The following DIAPH2 variants were observed in gnomAD, a reference collection of about 807,000 sequenced individuals.
DIAPH2 encodes diaphanous related formin 2, also known as protein diaphanous homolog 2.
Under a neutral mutation model 92.7 loss-of-function variants are expected in DIAPH2, and 35 were observed. That is an observed-to-expected ratio of 0.38 (90% CI 0.29 to 0.50). The LOEUF (loss-of-function observed/expected upper bound fraction) is 0.50. Ranked by LOEUF, DIAPH2 falls within the 20% of genes least tolerant of loss-of-function variation. DIAPH2 has a pLI of 0.94. For synonymous variants in DIAPH2, 301 were observed against 280.4 expected (o/e 1.07, Z -0.73); for missense variants, 701 against 819.5 (o/e 0.86, Z 1.77).
chrX:97,253,293 A>AAAATAAAATAAAATAAAAT (rs1556010461), intron 23 of DIAPH2, among the ~76,000 whole-genome samples: 6 of 91,753 alleles, frequency 6.5e-5, no homozygotes, highest in South Asian at 1.1e-3. Flanking sequence ...CTCCGTAAAA[A>AAAATAAAATAAAATAAAAT]AAAATAAAAT....
intron 25 of DIAPH2, among the ~76,000 whole-genome samples, chrX:97,420,104 C>T (rs1405658720): frequency 9.0e-6 from 1 of 111,498 alleles, no homozygotes. Context: ...TTTCATCTCT[C>T]AATCTTCTAG....
chrX:97,280,882 A>T (rs1288448732), intron 23 of DIAPH2, among the ~76,000 whole-genome samples: 1 of 111,901 alleles, frequency 8.9e-6, no homozygotes, highest in African/African-American at 3.2e-5. Flanking sequence ...TAGAGATTTG[A>T]TGAATAAAAT....
chrX:97,151,029 A>G (rs1465699534), intron 22 of DIAPH2, among the ~76,000 whole-genome samples: 1 of 112,202 alleles, frequency 8.9e-6, no homozygotes, highest in Non-Finnish European at 1.9e-5. Context: ...CCATGTCTTC[A>G]AAAACATATT....
Position 96,699,096 on chromosome X carries a change from A to T in DIAPH2, c.132+13906A>T, listed in dbSNP as rs757526638. 2.7e-5 allele frequency among the ~76,000 whole-genome samples: 3 copies of T among 111,773 alleles called. No individual in the cohort carries two copies. The South Asian group carries it at 1.1e-3, about 42-fold the overall frequency. ...CTGTTCATACAACTGTGTACAACACAGCATGAAACTAGAAAGTGAAGGATA... is the reference window on the plus strand; with the variant it reads ...CTGTTCATACAACTGTGTACAACACTGCATGAAACTAGAAAGTGAAGGATA... On this transcript the variant is annotated intron_variant, in intron 1 of 26. Coordinates refer to ENST00000324765, the MANE Select transcript of DIAPH2 (RefSeq NM_006729.5).
In DIAPH2 at chrX:96,819,499, T is replaced by G. The variant is rs181121089; in HGVS notation, c.447+61241T>G. 2.7e-5 allele frequency among the ~76,000 whole-genome samples: 3 copies of G among 112,290 alleles called. No individual in the cohort carries two copies. In the East Asian group the frequency reaches 8.4e-4, roughly 31 times the overall value. ...TTTTTTCACAATTCATCATAAGTGG[T>G]CAACATTCTTGGCTGTCCATTTTTG... On this transcript the variant is annotated intron_variant, in intron 4 of 26. Coordinates refer to ENST00000324765, the MANE Select transcript of DIAPH2 (RefSeq NM_006729.5).
At chrX:97,492,614 T>G (rs1427839386) in intron 26 of DIAPH2, among the ~76,000 whole-genome samples, 1 of 111,364 alleles carries the variant, frequency 9.0e-6, no homozygotes, top group Non-Finnish European at 1.9e-5. Flanking sequence ...TGCCTTTTGT[T>G]TGGAAAAGTC....
intron 1 of DIAPH2, among the ~76,000 whole-genome samples, chrX:96,701,274 T>C (rs949695700): frequency 9.0e-6 from 1 of 111,481 alleles, no homozygotes; most frequent in African/African-American, 3.3e-5. Flanking sequence ...ATGCTGAGGG[T>C]ATAAACATAA....
intron 26 of DIAPH2, among the ~76,000 whole-genome samples, chrX:97,433,474 C>G (rs1474755494): frequency 8.9e-6 from 1 of 111,785 alleles, no homozygotes; most frequent in Non-Finnish European, 1.9e-5. Flanking sequence ...AGAGATCGTG[C>G]CACTGCACTC....
At chrX:97,053,090 G>A (rs768685587) in intron 17 of DIAPH2, among the ~76,000 whole-genome samples, 19 of 111,033 alleles carry the variant, frequency 1.7e-4, no homozygotes, top group African/African-American at 5.9e-4. Context: ...TTAAACTGAG[G>A]TGTGATCCTC....
At position 97,066,639 on chromosome X, in the gene DIAPH2, C is replaced by T. The variant is rs1392452344; in HGVS notation, c.2051-6302C>T. Among the ~76,000 whole-genome samples, 5 of 112,038 alleles carry T rather than the reference C, an allele frequency of 4.5e-5. No homozygotes were observed. The Admixed American group carries it at 4.7e-4, about 11-fold the overall frequency. On this transcript the variant is annotated intron_variant, in intron 17 of 26. Transcript: ENST00000324765. Reference sequence around the variant, plus strand: ...TCTAAGACAACTTTATTTGTCCTTCCTAAAATATGCATTACCTGCTGAGTT... The same window carrying T: ...TCTAAGACAACTTTATTTGTCCTTCTTAAAATATGCATTACCTGCTGAGTT...
intron 26 of DIAPH2, among the ~76,000 whole-genome samples, chrX:97,596,305 C>T (rs908746426): frequency 9.0e-6 from 1 of 111,595 alleles, no homozygotes; most frequent in African/African-American, 3.3e-5. Context: ...GCACAATGTC[C>T]CCAACAAGCA....
At chrX:96,757,691 A>T (rs756862524) in intron 3 of DIAPH2, among the ~76,000 whole-genome samples, 1 of 111,606 alleles carries the variant, frequency 9.0e-6, no homozygotes, top group South Asian at 3.8e-4. Context: ...CTTCTTGTGA[A>T]CTTTCTTCAG....
intron 19 of DIAPH2, chrX:97,082,088 G>A (rs1453451404): frequency 9.9e-6 from 1 of 100,608 alleles, no homozygotes; most frequent in African/African-American, 3.8e-5. Context: ...TCCAGCCTGG[G>A]TGACAGAGAC....
chrX:97,493,973 T>G (rs2070741376), intron 26 of DIAPH2, among the ~76,000 whole-genome samples: 1 of 108,043 alleles, frequency 9.3e-6, no homozygotes, highest in Non-Finnish European at 1.9e-5. Flanking sequence ...TCCCAGCACT[T>G]TGGGAGTCTG....
intron 23 of DIAPH2, among the ~76,000 whole-genome samples, chrX:97,337,876 T>A: frequency 9.5e-6 from 1 of 105,391 alleles, no homozygotes. Context: ...TAATCTGATT[T>A]TTTTTTTTTT....
intron 5 of DIAPH2, among the ~76,000 whole-genome samples, chrX:96,892,498 C>T (rs374790028): frequency 9.0e-6 from 1 of 111,493 alleles, no homozygotes; most frequent in African/African-American, 3.3e-5. Flanking sequence ...AATTCAAATT[C>T]GTATCAAGTA....
chrX:97,229,319 C>A (rs1179957241), intron 22 of DIAPH2, among the ~76,000 whole-genome samples: 2 of 79,631 alleles, frequency 2.5e-5, no homozygotes, highest in African/African-American at 3.7e-5. Flanking sequence ...ACATCAGTGT[C>A]TTAAGAATTT....
chrX:96,914,659 T>G (rs2065491159), intron 7 of DIAPH2, among the ~76,000 whole-genome samples: 1 of 110,648 alleles, frequency 9.0e-6, no homozygotes, highest in Admixed American at 9.7e-5. Context: ...GTAAGATTCT[T>G]ATAGAGCCCT....
intron 17 of DIAPH2, among the ~76,000 whole-genome samples, chrX:97,024,996 C>T (rs113625594): frequency 8.9e-4 from 100 of 112,012 alleles, no homozygotes; most frequent in African/African-American, 2.9e-3. Context: ...TAGCAACAGT[C>T]TTGATGTTTG....
Sources: allele counts gnomAD v4.1 joint callset (sites outside exome capture counted in the v4.1 genomes callset), GRCh38; gene constraint gnomAD v4.1.1; transcripts MANE v1.5; gene names NCBI Gene and HGNC (gene_info 2026-07-23, HGNC 2026-07-21).